Variants in CHSY3 observed in about 807,000 individuals in gnomAD.
The protein encoded by CHSY3 is chondroitin sulfate synthase 3.
Under a neutral mutation model 67.2 loss-of-function variants are expected in CHSY3, and 35 were observed. That is an observed-to-expected ratio of 0.52 (90% CI 0.40 to 0.69). The LOEUF is 0.69. Among genes scored for constraint, CHSY3 ranks in the 30% least tolerant of loss-of-function variants. CHSY3 has a pLI of 0.00. For synonymous variants in CHSY3, 474 were observed against 434.7 expected (o/e 1.09, Z -1.12); for missense variants, 1,069 against 1,138.5 (o/e 0.94, Z 0.88).
intron 2 of CHSY3, among the ~76,000 whole-genome samples, chr5:130,112,159 A>G (rs1767610437): frequency 6.6e-6 from 1 of 152,140 alleles, no homozygotes. Context: ...GTTTGTAAGT[A>G]CTATAATTGG....
chr5:129,934,063 G>A (rs1394460061), intron 2 of CHSY3, among the ~76,000 whole-genome samples: 2 of 151,998 alleles, frequency 1.3e-5, no homozygotes, highest in African/African-American at 4.8e-5. Context: ...TTAGATTTGT[G>A]TGAAATGATA....
At chr5:130,089,652 A>G (rs1194975501) in intron 2 of CHSY3, among the ~76,000 whole-genome samples, 1 of 152,180 alleles carries the variant, frequency 6.6e-6, no homozygotes, top group Admixed American at 6.6e-5. Flanking sequence ...CCTGAGAAAC[A>G]TGATACATGA....
intron 2 of CHSY3, among the ~76,000 whole-genome samples, chr5:130,079,644 A>G (rs186661008): frequency 5.9e-5 from 9 of 152,224 alleles, no homozygotes; most frequent in Middle Eastern, 3.4e-3. Context: ...TGGATCTGAC[A>G]CTAGCTGCCT....
Position 130,060,606 on chromosome 5 carries a change from A to C in CHSY3, c.1087-123623A>C, listed in dbSNP as rs113707128. 2.0e-5 allele frequency among the ~76,000 whole-genome samples: 3 copies of C among 152,328 alleles called. 1 individual carries two copies. The highest frequency in any genetic ancestry group is 7.2e-5 in the African/African-American group (3 of 41,580). The stretch of plus-strand genomic sequence containing the variant: ...GGAAATAAAAGGCCTCCAAATTGAA[A>C]GAGAATAAGTGAAAGTATCTGTTTG... On this transcript the variant is annotated intron_variant, in intron 2 of 2. Transcript: ENST00000305031.
At chr5:129,908,577 G>C (rs575789777) in intron 2 of CHSY3, among the ~76,000 whole-genome samples, 74 of 152,188 alleles carry the variant, frequency 4.9e-4, no homozygotes, top group African/African-American at 1.8e-3. Flanking sequence ...ACTTTAAGCA[G>C]TGGCCTATAC....
chr5:129,951,546 A>G (rs1014168572), intron 2 of CHSY3, among the ~76,000 whole-genome samples: 4 of 152,230 alleles, frequency 2.6e-5, no homozygotes, highest in Admixed American at 6.5e-5. Context: ...ATGTATATCA[A>G]TATGAGTAAT....
chr5:129,954,573 C>T (rs1355316677), intron 2 of CHSY3, among the ~76,000 whole-genome samples: 10 of 151,824 alleles, frequency 6.6e-5, no homozygotes, highest in African/African-American at 1.5e-4. Flanking sequence ...TACTTTGGTC[C>T]GTATGGCCAT....
In CHSY3 at chr5:129,905,424, A is replaced by G; in HGVS notation, c.595A>G (p.Ile199Val). 3.1e-6 allele frequency: 5 copies of G among 1,610,830 alleles called. No individual in the cohort carries two copies. The highest frequency in any genetic ancestry group is 4.2e-6 in the Non-Finnish European group (5 of 1,179,554). ...CGCGCAGCGGACCTGGGCGCGTTTC[A>G]TCCCGGGCCGCGTGGAGTTCTTTTC... ...LAAQRTWARFIPGRVEFFSSQ... is the reference protein window; with the variant it reads ...LAAQRTWARFVPGRVEFFSSQ... Residue 199 changes from isoleucine (I) to valine (V), a missense_variant, in exon 1 of 3, where the codon ATC (isoleucine) becomes GTC (valine). Transcript: ENST00000305031.
chr5:130,063,081 C>T (rs1033139911), intron 2 of CHSY3, among the ~76,000 whole-genome samples: 1 of 151,996 alleles, frequency 6.6e-6, no homozygotes, highest in Admixed American at 6.6e-5. Context: ...TATTAAATGG[C>T]TATGTCTATT....
chr5:130,008,939 G>T (rs1763965964), intron 2 of CHSY3, among the ~76,000 whole-genome samples: 1 of 152,010 alleles, frequency 6.6e-6, no homozygotes, highest in Non-Finnish European at 1.5e-5. Flanking sequence ...AAAAAAGGAA[G>T]AAAACTTCCA....
At chr5:129,951,859 A>G (rs2149601597) in intron 2 of CHSY3, among the ~76,000 whole-genome samples, 1 of 152,328 alleles carries the variant, frequency 6.6e-6, no homozygotes, top group East Asian at 1.9e-4. Flanking sequence ...CTGTTTTGGC[A>G]AACAATGTAA....
intron 2 of CHSY3, among the ~76,000 whole-genome samples, chr5:130,111,101 A>C (rs2149703805): frequency 6.6e-6 from 1 of 152,254 alleles, no homozygotes; most frequent in South Asian, 2.1e-4. Flanking sequence ...CCTGTAGGCT[A>C]GGCTCACTGA....
intron 2 of CHSY3, among the ~76,000 whole-genome samples, chr5:130,082,810 C>A (rs571517077): frequency 2.0e-5 from 3 of 151,724 alleles, no homozygotes; most frequent in Admixed American, 6.6e-5. Context: ...TACTTGTACA[C>A]GCTTAAGTGA....
At chr5:130,160,755 A>G (rs1292215856) in intron 2 of CHSY3, among the ~76,000 whole-genome samples, 1 of 152,114 alleles carries the variant, frequency 6.6e-6, no homozygotes, top group African/African-American at 2.4e-5. Flanking sequence ...CTACTTGCCA[A>G]ATGAGGGTTC....
Position 129,949,766 on chromosome 5 carries a change from G to A in CHSY3, c.1086+41406G>A, listed in dbSNP as rs186719018. Among the ~76,000 whole-genome samples the A allele has an allele frequency of 4.4e-3, 663 of 152,212 alleles. 4 individuals carry two copies. The highest frequency in any genetic ancestry group is 6.0e-3 in the Non-Finnish European group (409 of 68,014). ...GCACTTTACAAACATCATTCACCAT[G>A]ATCAAGTAGAATTATCCCTGAGATA... is the stretch of plus-strand genomic sequence containing the variant. On this transcript the variant is annotated intron_variant, in intron 2 of 2. Transcript: ENST00000305031.
intron 2 of CHSY3, among the ~76,000 whole-genome samples, chr5:130,071,410 C>T (rs1355816873): frequency 1.3e-5 from 2 of 151,926 alleles, no homozygotes; most frequent in Non-Finnish European, 2.9e-5. Flanking sequence ...ATCCTCTGAA[C>T]AGTTTGGACA....
intron 2 of CHSY3, among the ~76,000 whole-genome samples, chr5:130,096,056 T>G (rs575872596): frequency 3.3e-5 from 5 of 152,198 alleles, no homozygotes; most frequent in South Asian, 4.2e-4. Context: ...TAAGGAAGAT[T>G]GAGAAACTGT....
At chr5:130,083,473 T>G (rs998026266) in intron 2 of CHSY3, among the ~76,000 whole-genome samples, 1 of 152,018 alleles carries the variant, frequency 6.6e-6, no homozygotes, top group African/African-American at 2.4e-5. Context: ...TCCACTACCA[T>G]AAGGCTAATG....
rs535758793 is a variant in CHSY3 at position 129,941,791 on chromosome 5, A to G, written c.1086+33431A>G. Among the ~76,000 whole-genome samples the G allele has an allele frequency of 2.0e-3, 299 of 152,232 alleles. 1 individual carries two copies. The highest frequency in any genetic ancestry group is 6.9e-3 in the African/African-American group (286 of 41,540). On this transcript the variant is annotated intron_variant, in intron 2 of 2. Transcript: ENST00000305031. Reference sequence around the variant, plus strand: ...TAAGATTGCATGGGTTGGAAGCTCAATCCCCAAGATTAACCACACACCCCA... The same window carrying G: ...TAAGATTGCATGGGTTGGAAGCTCAGTCCCCAAGATTAACCACACACCCCA...
Sources: allele counts gnomAD v4.1 joint callset (sites outside exome capture counted in the v4.1 genomes callset), GRCh38; gene constraint gnomAD v4.1.1; transcripts MANE v1.5; gene names NCBI Gene and HGNC (gene_info 2026-07-23, HGNC 2026-07-21).